The following ACSS3 variants were observed in gnomAD, a reference collection of about 807,000 sequenced individuals.
ACSS3 encodes the protein acyl-CoA synthetase short-chain family member 3, mitochondrial.
ACSS3 carries 64 observed loss-of-function variants against 84.2 expected under a neutral mutation model. That is an observed-to-expected ratio of 0.76 (90% confidence interval 0.62 to 0.94). ACSS3 has a LOEUF of 0.94. Ranked by LOEUF, ACSS3 falls within the 40% of genes least tolerant of loss-of-function variation. The pLI, the probability that ACSS3 is intolerant of heterozygous loss-of-function variation, is 0.00. For missense variants in ACSS3, 815 were observed against 867.6 expected (o/e 0.94, Z 0.76); for synonymous variants, 317 against 310.1 (o/e 1.02, Z -0.23).
intron 2 of ACSS3, 41 bp downstream of exon 2, chr12:81,109,745 T>C (rs779956713): frequency 2.9e-5 from 41 of 1,427,686 alleles, no homozygotes; most frequent in East Asian, 4.9e-5. Context: ...TGAATTCATA[T>C]AGAAATTACT....
chr12:81,209,294 T>G (rs529169035), intron 9 of ACSS3, among the ~76,000 whole-genome samples: 1 of 152,036 alleles, frequency 6.6e-6, no homozygotes, highest in African/African-American at 2.4e-5. Flanking sequence ...TTTTGTTAAC[T>G]ACATGCACTT....
chr12:81,176,161 G>A (rs922332864), intron 8 of ACSS3, among the ~76,000 whole-genome samples: 1 of 152,094 alleles, frequency 6.6e-6, no homozygotes, highest in African/African-American at 2.4e-5. Context: ...ATGACAAAGG[G>A]AACATTAGCA....
chr12:81,206,600 T>C (rs1047648335), intron 9 of ACSS3, among the ~76,000 whole-genome samples: 3 of 152,098 alleles, frequency 2.0e-5, no homozygotes, highest in African/African-American at 7.2e-5. Flanking sequence ...TAACTAGAGA[T>C]GGCGTGACAG....
In ACSS3 at chr12:81,257,178, CTT is replaced by C. The variant is rs1025651843; in HGVS notation, c.*2257_*2258del. On this transcript the variant is annotated 3_prime_UTR_variant, in exon 16 of 16. Transcript: ENST00000548058. ...CTGAAGCGACATCTCAGCAAGCAGA[CTT>C]GGGTTATTTTCCACTAGGATGGGAA... 2.6e-5 allele frequency: 4 copies of C among 152,060 alleles called. No homozygotes were observed. Among genetic ancestry groups the C allele is most frequent in the Non-Finnish European group, 2.9e-5 (2 of 68,022 alleles). The allele number at this position is 152,060 out of a possible 1,614,324, so 9.4% of individuals were successfully genotyped here.
rs1565693487 is a variant in ACSS3 at position 81,152,100 on chromosome 12, A to G, written c.1098+4A>G. The stretch of plus-strand genomic sequence containing the variant: ...GAACACAACAGTTTTATATGAGGTA[A>G]TAAAGTAAAGTTAATACCACATATA... On this transcript the variant is annotated splice_donor_region_variant and intron_variant, in intron 7 of 15. Transcript: ENST00000548058. The G allele has an allele frequency of 3.1e-6, 5 of 1,602,388 alleles. No individual in the cohort carries two copies. The highest frequency in any genetic ancestry group is 4.3e-6 in the Non-Finnish European group (5 of 1,171,392).
chr12:81,094,961 C>T (rs1212522175), intron 1 of ACSS3, among the ~76,000 whole-genome samples: 1 of 152,050 alleles, frequency 6.6e-6, no homozygotes, highest in South Asian at 2.1e-4. Flanking sequence ...CTTTCTTCTC[C>T]TTCTCCTCAT....
intron 9 of ACSS3, among the ~76,000 whole-genome samples, chr12:81,216,680 TA>T (rs1370007593): frequency 1.3e-5 from 2 of 152,196 alleles, no homozygotes; most frequent in African/African-American, 4.8e-5. Context: ...CACTACTATA[TA>T]AATTTTTCTA....
At chr12:81,115,476 T>G (rs1317035383) in intron 2 of ACSS3, among the ~76,000 whole-genome samples, 1 of 152,098 alleles carries the variant, frequency 6.6e-6, no homozygotes, top group African/African-American at 2.4e-5. Context: ...TTGTTTTATT[T>G]TAAGTTTGCC....
At chr12:81,078,077 G>T, upstream of ACSS3, 1 of 1,446,010 alleles carries the variant, frequency 6.9e-7, no homozygotes. Context: ...AGTTGCAAGA[G>T]TACCATTTGT....
At chr12:81,242,887 C>A (rs1261078444) in intron 13 of ACSS3, among the ~76,000 whole-genome samples, 1 of 152,116 alleles carries the variant, frequency 6.6e-6, no homozygotes, top group East Asian at 1.9e-4. Flanking sequence ...CTATGACAAA[C>A]CCACAGCCAA....
intron 12 of ACSS3, among the ~76,000 whole-genome samples, chr12:81,231,779 T>A (rs531307015): frequency 2.0e-5 from 3 of 151,946 alleles, no homozygotes; most frequent in Admixed American, 6.6e-5. Context: ...GCCATGGTGA[T>A]GTGTGTTATG....
chr12:81,139,162 T>G lies in ACSS3; in HGVS notation c.677T>G (p.Ile226Ser). 1 of 1,613,848 alleles carries G rather than the reference T, an allele frequency of 6.2e-7. No individual in the cohort carries two copies. The highest frequency in any genetic ancestry group is 8.5e-7 in the Non-Finnish European group (1 of 1,179,786). ...PKVVVTASFG[I>S]EPGRRVEYVP... Reference sequence around the variant, plus strand: ...GTGGTTGTTACAGCATCATTTGGCATTGAACCTGGAAGGAGGGTAGAGTAC... The same window carrying G: ...GTGGTTGTTACAGCATCATTTGGCAGTGAACCTGGAAGGAGGGTAGAGTAC... Residue 226 changes from isoleucine to serine, a missense_variant, in exon 4 of 16, where the codon ATT (isoleucine) becomes AGT (serine). Ile to Ser is a moderately radical substitution (Grantham distance 142). Coordinates refer to ENST00000548058, the MANE Select transcript of ACSS3 (RefSeq NM_024560.4).
intron 3 of ACSS3, among the ~76,000 whole-genome samples, chr12:81,137,642 A>G (rs543516183): frequency 6.6e-6 from 1 of 152,322 alleles, no homozygotes; most frequent in Admixed American, 6.5e-5. Context: ...GTTAATAGAA[A>G]TGTGAAAGGA....
chr12:81,113,696 A>G (rs138725447), intron 2 of ACSS3, among the ~76,000 whole-genome samples: 108 of 152,254 alleles, frequency 7.1e-4, no homozygotes, highest in African/African-American at 2.5e-3. Flanking sequence ...GGAATGTCTT[A>G]GATTTAAATT....
chr12:81,168,422 A>G (rs1340141867), intron 7 of ACSS3, among the ~76,000 whole-genome samples: 5 of 152,218 alleles, frequency 3.3e-5, no homozygotes, highest in African/African-American at 1.2e-4. Flanking sequence ...TACATACCTT[A>G]ATTTAATTTC....
At chr12:81,201,368 C>G (rs2032100285) in intron 9 of ACSS3, among the ~76,000 whole-genome samples, 1 of 152,172 alleles carries the variant, frequency 6.6e-6, no homozygotes, top group Non-Finnish European at 1.5e-5. Context: ...TCTGTTTTTC[C>G]CTCTTCAAGG....
chr12:81,224,572 A>G (rs1412957671), intron 11 of ACSS3, among the ~76,000 whole-genome samples: 16 of 80,960 alleles, frequency 2.0e-4, no homozygotes, highest in African/African-American at 6.3e-4. Flanking sequence ...ACACACACAC[A>G]CATGTGTGTG....
intron 1 of ACSS3, among the ~76,000 whole-genome samples, chr12:81,082,849 T>C (rs1298043571): frequency 6.6e-6 from 1 of 152,210 alleles, no homozygotes; most frequent in Non-Finnish European, 1.5e-5. Flanking sequence ...GGTATCTATT[T>C]CTAAGGATTA....
At chr12:81,204,724 C>T (rs955708075) in intron 9 of ACSS3, among the ~76,000 whole-genome samples, 2 of 152,130 alleles carry the variant, frequency 1.3e-5, no homozygotes, top group Non-Finnish European at 2.9e-5. Context: ...TACTTACCAT[C>T]AGAAGATCTA....
Sources: allele counts gnomAD v4.1 joint callset (sites outside exome capture counted in the v4.1 genomes callset), GRCh38; gene constraint gnomAD v4.1.1; transcripts MANE v1.5; gene names NCBI Gene and HGNC (gene_info 2026-07-23, HGNC 2026-07-21).